The following SHROOM4 variants were observed in gnomAD, a reference collection of about 807,000 sequenced individuals.
The protein encoded by SHROOM4 is protein Shroom4.
SHROOM4 carries 17 observed loss-of-function variants against 80.3 expected under a neutral mutation model. The ratio of observed to expected loss-of-function variants is 0.21; its 90% CI spans 0.14 to 0.32. The LOEUF is 0.32. SHROOM4 is among the 10% of genes least tolerant of loss of function. SHROOM4 has a pLI of 1.00. For missense variants in SHROOM4, 993 were observed against 1,140.3 expected, an observed-to-expected ratio of 0.87 and a Z score of 1.86; for synonymous variants, 400 against 437.5, an observed-to-expected ratio of 0.91 and a Z score of 1.07.
chrX:50,718,070 G>T (rs1300617102), intron 1 of SHROOM4, among the ~76,000 whole-genome samples: 1 of 111,631 alleles, frequency 9.0e-6, no homozygotes, highest in Admixed American at 9.5e-5. Flanking sequence ...CATCCTCTAT[G>T]ATAAGCAACA....
chrX:50,676,365 T>C (rs1465317879), intron 2 of SHROOM4, among the ~76,000 whole-genome samples: 1 of 110,709 alleles, frequency 9.0e-6, no homozygotes, highest in Non-Finnish European at 1.9e-5. Context: ...AACAAATATA[T>C]GAAGAATCAA....
Position 50,635,099 on chromosome X carries a change from A to G in SHROOM4, c.974T>C (p.Phe325Ser). 1.7e-6 allele frequency: 2 copies of G among 1,211,897 alleles called. No individual in the cohort carries two copies. The highest frequency in any genetic ancestry group is 2.2e-6 in the Non-Finnish European group (2 of 895,501). ...TTGGTCATGCCCACTGAGGCAACAG[A>G]ACCTATTAGGGTTCCTTGCGGGTAG... is the stretch of plus-strand genomic sequence containing the variant. ...PVLPARNPNR[F>S]CCLSGHDQVT... The change falls in exon 4 of 9, where the codon TTC becomes TCC. Residue 325 changes from phenylalanine (F) to serine (S), a missense_variant. Coordinates refer to ENST00000376020, the MANE Select transcript of SHROOM4 (RefSeq NM_020717.5).
At chrX:50,581,283 T>C in the SHROOM4 span, among the ~76,000 whole-genome samples, 1 of 112,236 alleles carries the variant, frequency 8.9e-6, no homozygotes, top group African/African-American at 3.2e-5. Context: ...TTATGATTAA[T>C]ATTTTGACAT....
In SHROOM4 at chrX:50,633,507, T is replaced by A; in HGVS notation, c.2566A>T (p.Thr856Ser). 8.3e-7 allele frequency: 1 copy of A among 1,211,157 alleles called. No homozygotes were observed. The highest frequency in any genetic ancestry group is 1.8e-5 in the South Asian group (1 of 56,947). ...TTGCTTGCAAAACATTCTGAGTAAGTGGGAGTTTCTGACTGAAGGGGTGAC... is the reference window on the plus strand; with the variant it reads ...TTGCTTGCAAAACATTCTGAGTAAGAGGGAGTTTCTGACTGAAGGGGTGAC... ...SMSPLQSETP[T>S]YSECFASKGL... is the part of the protein sequence containing the mutation. The change falls in exon 4 of 9, where the codon ACT becomes TCT. Residue 856 changes from threonine (T) to serine (S), a missense_variant. Coordinates refer to ENST00000376020, the MANE Select transcript of SHROOM4 (RefSeq NM_020717.5).
At position 50,634,219 on chromosome X, in the gene SHROOM4, C is replaced by A; in HGVS notation, c.1854G>T (p.Glu618Asp). 8.3e-7 allele frequency: 1 copy of A among 1,211,799 alleles called. No homozygotes were observed. Residue 618 changes from glutamate to aspartate, a missense_variant, in exon 4 of 9, where the codon GAG becomes GAT. Coordinates refer to ENST00000376020, the MANE Select transcript of SHROOM4 (RefSeq NM_020717.5). ...GPLSQLCDTK[E>D]PVEETQEPPE... ...GGGGCTCCTGGGTCTCTTCCACTGG[C>A]TCCTTAGTGTCACACAGCTGTGACA... is the stretch of plus-strand genomic sequence containing the variant.
At chrX:50,632,517 C>T (rs782468412) in intron 4 of SHROOM4, among the ~76,000 whole-genome samples, 7 of 111,475 alleles carry the variant, frequency 6.3e-5, no homozygotes, top group South Asian at 3.8e-4. Flanking sequence ...AGGTCATAAC[C>T]GGGATATAAG....
At chrX:50,695,312 TG>T (rs1933341262) in intron 2 of SHROOM4, among the ~76,000 whole-genome samples, 1 of 111,874 alleles carries the variant, frequency 8.9e-6, no homozygotes, top group Non-Finnish European at 1.9e-5. Flanking sequence ...AAAAATATAC[TG>T]CTACTTAGTC....
the SHROOM4 span, among the ~76,000 whole-genome samples, chrX:50,581,706 G>C: frequency 8.9e-6 from 1 of 111,830 alleles, no homozygotes; most frequent in South Asian, 3.8e-4. Flanking sequence ...AAGTTATTTA[G>C]ATAAACTCCT....
intron 1 of SHROOM4, among the ~76,000 whole-genome samples, chrX:50,734,864 T>C (rs1361261359): frequency 9.1e-6 from 1 of 110,310 alleles, no homozygotes; most frequent in Non-Finnish European, 1.9e-5. Flanking sequence ...TTATAGGAGG[T>C]TTCCTGTTTT....
intron 2 of SHROOM4, among the ~76,000 whole-genome samples, chrX:50,676,004 T>G (rs1932849998): frequency 9.0e-6 from 1 of 111,688 alleles, no homozygotes; most frequent in South Asian, 3.7e-4. Flanking sequence ...TTCCATAGCT[T>G]TCTTTGGTGA....
intron 1 of SHROOM4, among the ~76,000 whole-genome samples, chrX:50,724,976 A>G (rs1438927786): frequency 8.9e-6 from 1 of 112,140 alleles, no homozygotes; most frequent in Non-Finnish European, 1.9e-5. Flanking sequence ...AAATTGTCCT[A>G]ATGGCTTATG....
intron 1 of SHROOM4, among the ~76,000 whole-genome samples, chrX:50,771,143 CA>C (rs1375687811): frequency 9.0e-6 from 1 of 111,170 alleles, no homozygotes; most frequent in Non-Finnish European, 1.9e-5. Flanking sequence ...TGGAACTGAC[CA>C]ACCACCCCTG....
intron 1 of SHROOM4, among the ~76,000 whole-genome samples, chrX:50,793,122 T>C (rs1418326234): frequency 2.7e-5 from 3 of 110,055 alleles, no homozygotes; most frequent in Non-Finnish European, 5.7e-5. Flanking sequence ...AGAGGAAATC[T>C]TCCAATATGC....
chrX:50,760,095 C>T (rs1277628096), intron 1 of SHROOM4, among the ~76,000 whole-genome samples: 1 of 110,611 alleles, frequency 9.0e-6, no homozygotes, highest in Admixed American at 9.7e-5. Context: ...TTGTGTTGTT[C>T]AAGTCCTCTA....
intron 5 of SHROOM4, among the ~76,000 whole-genome samples, chrX:50,610,250 A>G (rs1557249541): frequency 9.1e-6 from 1 of 109,683 alleles, no homozygotes; most frequent in Non-Finnish European, 1.9e-5. Context: ...CATACCCACT[A>G]TCTTCTCATT....
Position 50,591,327 on chromosome X carries a change from A to G in SHROOM4, c.*5368T>C, listed in dbSNP as rs1445188025. The stretch of plus-strand genomic sequence containing the variant: ...TTTTGCAGTAAGTTTTGAAGTTGGG[A>G]TGTATGAGCCCTCCAACTGTTCTTT... On this transcript the variant is annotated 3_prime_UTR_variant, in exon 9 of 9. Coordinates refer to ENST00000376020, the MANE Select transcript of SHROOM4 (RefSeq NM_020717.5). Among the ~76,000 whole-genome samples the G allele has an allele frequency of 1.8e-5, 2 of 112,066 alleles. No homozygotes were observed. The highest frequency in any genetic ancestry group is 4.2e-3 in the Middle Eastern group (1 of 236).
intron 1 of SHROOM4, among the ~76,000 whole-genome samples, chrX:50,755,916 T>G (rs961826181): frequency 8.9e-6 from 1 of 111,935 alleles, no homozygotes; most frequent in African/African-American, 3.2e-5. Flanking sequence ...GAAGGAATTT[T>G]ATAATGTTTT....
At chrX:50,665,549 A>G (rs1469202391) in intron 2 of SHROOM4, among the ~76,000 whole-genome samples, 1 of 110,347 alleles carries the variant, frequency 9.1e-6, no homozygotes, top group African/African-American at 3.3e-5. Context: ...GTAGGTAGGT[A>G]CATCAGTAGG....
At chrX:50,761,946 T>C (rs781994247) in intron 1 of SHROOM4, among the ~76,000 whole-genome samples, 1 of 111,912 alleles carries the variant, frequency 8.9e-6, no homozygotes, top group East Asian at 2.8e-4. Flanking sequence ...TTTTTAAAGT[T>C]ATATTCTTAT....
Sources: gnomAD v4.1 joint callset for allele counts (sites outside exome capture counted in the v4.1 genomes callset) on GRCh38, gnomAD v4.1.1 for gene constraint, MANE v1.5 for transcripts, NCBI Gene and HGNC (gene_info 2026-07-23, HGNC 2026-07-21) for gene names.